WDR25: variants seen among roughly 807,000 people sequenced by gnomAD.
The protein encoded by WDR25 is WD repeat domain 25, also known as WD repeat-containing protein 25.
In WDR25, 35 loss-of-function variants were observed where a neutral mutation model predicts 47.7. The observed-to-expected ratio is 0.73, with a 90% CI of 0.56 to 0.97. WDR25 has a LOEUF of 0.97. Among genes scored for constraint, WDR25 ranks in the 50% least tolerant of loss-of-function variants. WDR25 has a pLI of 0.00. For synonymous variants in WDR25, 248 were observed against 278.9 expected, an observed-to-expected ratio of 0.89 and a Z score of 1.10; for missense variants, 634 against 704.7, an observed-to-expected ratio of 0.90 and a Z score of 1.14.
At chr14:100,420,232 C>A (rs1045156457) in intron 2 of WDR25, among the ~76,000 whole-genome samples, 2 of 152,272 alleles carry the variant, frequency 1.3e-5, no homozygotes, top group African/African-American at 2.4e-5. Flanking sequence ...CCCCTTCCCC[C>A]ACTTCCCTCC....
chr14:100,505,580 C>T (rs906241795), intron 4 of WDR25, among the ~76,000 whole-genome samples: 4 of 152,138 alleles, frequency 2.6e-5, no homozygotes, highest in African/African-American at 7.2e-5. Flanking sequence ...TCTTTACATT[C>T]GTATTTCAAT....
chr14:100,387,078 G>C lies in WDR25; in HGVS notation c.822+5332G>C, dbSNP rs116660699. On this transcript the variant is annotated intron_variant, in intron 2 of 6. Coordinates refer to ENST00000402312, the MANE Select transcript of WDR25 (RefSeq NM_001161476.3). ...TTTGGGAAAATCACTTAGCCTCTCT[G>C]ATCCCCTAGTTCCTCACTGGTAAAA... Among the ~76,000 whole-genome samples, 270 of 151,706 alleles carry C rather than the reference G, an allele frequency of 1.8e-3. 1 individual carries two copies. The highest frequency in any genetic ancestry group is 6.1e-3 in the African/African-American group (253 of 41,324).
chr14:100,479,020 A>T (rs1299964936), intron 3 of WDR25, among the ~76,000 whole-genome samples: 2 of 151,986 alleles, frequency 1.3e-5, no homozygotes, highest in African/African-American at 4.8e-5. Context: ...TGTTCTCAGC[A>T]ATAAGCGCAG....
chr14:100,458,474 C>T (rs1899274976), intron 2 of WDR25, among the ~76,000 whole-genome samples: 1 of 152,066 alleles, frequency 6.6e-6, no homozygotes, highest in Admixed American at 6.6e-5. Context: ...GAGATTTCAA[C>T]ACCCCGCTCT....
rs61990755 is a variant in WDR25 at position 100,449,729 on chromosome 14, G to A, written c.823-18292G>A. On this transcript the variant is annotated intron_variant, in intron 2 of 6. Coordinates refer to ENST00000402312, the MANE Select transcript of WDR25 (RefSeq NM_001161476.3). This position sits in a 1 kb window ranked among gnomAD's most constrained non-coding sequence, Gnocchi z 4.2. ...ATGAAGCAGACAGAGTGATTTTAACGCAGCTCCTTGTCCTGGCTTAGGTGA... is the reference window on the plus strand; with the variant it reads ...ATGAAGCAGACAGAGTGATTTTAACACAGCTCCTTGTCCTGGCTTAGGTGA... 1.8e-3 allele frequency among the ~76,000 whole-genome samples: 279 copies of A among 152,326 alleles called. 4 individuals are homozygous for A. The highest frequency in any genetic ancestry group is 3.4e-3 in the Middle Eastern group (1 of 294).
intron 2 of WDR25, among the ~76,000 whole-genome samples, chr14:100,415,985 C>T (rs934187146): frequency 1.2e-4 from 18 of 152,338 alleles, no homozygotes; most frequent in African/African-American, 2.9e-4. Flanking sequence ...TTCTGCATCT[C>T]TGTCAGTGCA....
At chr14:100,508,900 A>AT (rs1237415930) in intron 4 of WDR25, among the ~76,000 whole-genome samples, 3 of 152,070 alleles carry the variant, frequency 2.0e-5, no homozygotes, top group East Asian at 1.9e-4. Context: ...AATTACATTG[A>AT]TTTTTTTTAA....
At chr14:100,443,900 C>G (rs551859786) in intron 2 of WDR25, among the ~76,000 whole-genome samples, 26 of 152,318 alleles carry the variant, frequency 1.7e-4, no homozygotes, top group African/African-American at 6.0e-4. Flanking sequence ...TGCATATTCT[C>G]TGTTAATGCT....
chr14:100,525,884 C>T lies in WDR25; in HGVS notation c.1116C>T (p.Tyr372=), dbSNP rs367998247. 77 of 1,613,760 alleles carry T rather than the reference C, an allele frequency of 4.8e-5. 1 individual carries two copies. Among genetic ancestry groups the T allele is most frequent in the Non-Finnish European group, 6.4e-5 (76 of 1,179,906 alleles). ...CGCTCTTGCAGGTGATGAGAAGCTA[C>T]AAGGCGACCATCCAGCAGACCTTGG... The part of the protein sequence containing the change: ...DIRTGKVMRS[Y]KATIQQTLDI... The change falls in exon 5 of 7, where the codon TAC becomes TAT. Residue 372 remains tyrosine (Y), a synonymous_variant. Coordinates refer to ENST00000402312, the MANE Select transcript of WDR25 (RefSeq NM_001161476.3). The surrounding 1 kb of genome is among the most constrained non-coding windows in gnomAD (Gnocchi z 4.6).
At chr14:100,463,423 C>A (rs184020472) in intron 2 of WDR25, among the ~76,000 whole-genome samples, 1 of 152,242 alleles carries the variant, frequency 6.6e-6, no homozygotes, top group Admixed American at 6.5e-5. Context: ...CAGGACTTTC[C>A]TCTTCTGTTT....
intron 4 of WDR25, among the ~76,000 whole-genome samples, chr14:100,524,997 C>CTGAA (rs1250931589): frequency 2.0e-5 from 3 of 152,232 alleles, no homozygotes; most frequent in Non-Finnish European, 2.9e-5. Context: ...GGCCCAGGGA[C>CTGAA]TGAACTGTTT....
Position 100,380,951 on chromosome 14 carries a change from G to T in WDR25, c.27G>T (p.Met9Ile), listed in dbSNP as rs1228748516. Residue 9 changes from methionine to isoleucine, a missense_variant, in exon 2 of 7, where the codon ATG (methionine) becomes ATT (isoleucine). Coordinates refer to ENST00000402312, the MANE Select transcript of WDR25 (RefSeq NM_001161476.3). MTARTLSL[M>I]ASLVAYDDSD... is the part of the protein sequence containing the mutation. ...TGACAGCAAGAACTCTGTCTTTAAT[G>T]GCTTCATTGGTAGCGTATGATGATT... 1 of 1,613,716 alleles carries T rather than the reference G, an allele frequency of 6.2e-7. No homozygotes were observed. The highest frequency in any genetic ancestry group is 1.3e-5 in the African/African-American group (1 of 74,914).
Position 100,428,430 on chromosome 14 carries a change from G to A in WDR25, c.823-39591G>A, listed in dbSNP as rs1447748802. Among the ~76,000 whole-genome samples, 1 of 152,232 alleles carries A rather than the reference G, an allele frequency of 6.6e-6. No homozygotes were observed. The highest frequency in any genetic ancestry group is 2.4e-5 in the African/African-American group (1 of 41,460). ...TGGGTCTGCCACTCACCAGCCTGGT[G>A]TGGGCAGCCATTTTAGCCTTTCTGG... On this transcript the variant is annotated intron_variant, in intron 2 of 6. Coordinates refer to ENST00000402312, the MANE Select transcript of WDR25 (RefSeq NM_001161476.3). The surrounding 1 kb of genome is among the most constrained non-coding windows in gnomAD (Gnocchi z 4.3).
chr14:100,495,105 C>T (rs1359884480), intron 4 of WDR25, among the ~76,000 whole-genome samples: 3 of 152,108 alleles, frequency 2.0e-5, no homozygotes, highest in African/African-American at 7.2e-5. Flanking sequence ...GCCTGTAATC[C>T]CAGCACTTTG....
rs1240907991 is a variant in WDR25, at chr14:100,449,277, G to A, written c.823-18744G>A. ...ATCACTTCCATCCCAGCCCCATCAG[G>A]GAGGGCCAGGGAGAACCGTGGCTTC... On this transcript the variant is annotated intron_variant, in intron 2 of 6. Transcript: ENST00000402312. This position sits in a 1 kb window ranked among gnomAD's most constrained non-coding sequence, Gnocchi z 4.2. 2.0e-5 allele frequency among the ~76,000 whole-genome samples: 3 copies of A among 152,364 alleles called. No homozygotes were observed. The highest frequency in any genetic ancestry group is 1.9e-4 in the East Asian group (1 of 5,190).
At chr14:100,471,455 G>A (rs1899830293) in intron 3 of WDR25, among the ~76,000 whole-genome samples, 1 of 152,174 alleles carries the variant, frequency 6.6e-6, no homozygotes, top group Non-Finnish European at 1.5e-5. Flanking sequence ...TAGCCATTGG[G>A]GTGGGCTCTG....
chr14:100,518,853 C>T (rs1419925811), intron 4 of WDR25, among the ~76,000 whole-genome samples: 1 of 151,576 alleles, frequency 6.6e-6, no homozygotes, highest in Non-Finnish European at 1.5e-5. Flanking sequence ...AAGATCGTGC[C>T]ACTGCATGCC....
At chr14:100,479,897 A>G (rs1440745838) in intron 3 of WDR25, among the ~76,000 whole-genome samples, 2 of 152,152 alleles carry the variant, frequency 1.3e-5, no homozygotes, top group African/African-American at 4.8e-5. Flanking sequence ...CGAGGGATCT[A>G]GGTTGTGCTC....
chr14:100,443,417 A>G (rs2140250126), intron 2 of WDR25, among the ~76,000 whole-genome samples: 1 of 148,566 alleles, frequency 6.7e-6, no homozygotes, highest in East Asian at 2.0e-4. Flanking sequence ...AATTCTTCCT[A>G]ACACCGTTTC....
Sources: gnomAD v4.1 joint callset for allele counts (sites outside exome capture counted in the v4.1 genomes callset) on GRCh38, gnomAD v4.1.1 for gene constraint, Gnocchi (gnomAD v3.1) non-coding constraint, MANE v1.5 for transcripts, NCBI Gene and HGNC (gene_info 2026-07-23, HGNC 2026-07-21) for gene names.